The following ATG10 variants were observed in gnomAD, a reference collection of about 807,000 sequenced individuals.
ATG10 encodes autophagy related 10.
ATG10 carries 30 observed loss-of-function variants against 32.1 expected under a neutral mutation model. That is an observed-to-expected ratio of 0.94 (90% CI 0.70 to 1.27). ATG10 has a LOEUF of 1.27. ATG10 is among the 50% of genes most tolerant of loss of function. The pLI is 0.00. For missense variants in ATG10, 233 were observed against 262.3 expected (o/e 0.89, Z 0.77); for synonymous variants, 87 against 91.5 (o/e 0.95, Z 0.28).
At chr5:82,189,849 T>G (rs576331321) in intron 5 of ATG10, among the ~76,000 whole-genome samples, 1 of 152,314 alleles carries the variant, frequency 6.6e-6, no homozygotes, top group African/African-American at 2.4e-5. Flanking sequence ...GGTCTTGAAC[T>G]CCTGACCTCA....
intron 3 of ATG10, among the ~76,000 whole-genome samples, chr5:82,117,490 T>C (rs997168261): frequency 1.3e-5 from 2 of 152,142 alleles, no homozygotes; most frequent in African/African-American, 4.8e-5. Flanking sequence ...TTGATCTTTG[T>C]CTTGTCTGGT....
intron 3 of ATG10, among the ~76,000 whole-genome samples, chr5:82,118,384 G>GTATATATATATATATATATATATATA (rs1347264600): frequency 6.4e-4 from 12 of 18,746 alleles, no homozygotes; most frequent in African/African-American, 1.9e-3. Context: ...TATAATATAT[G>GTATATATATATATATATATATATATA]TACATATATA....
intron 3 of ATG10, among the ~76,000 whole-genome samples, chr5:82,063,370 TTTATC>T (rs1436668650): frequency 4.6e-5 from 7 of 152,176 alleles, no homozygotes; most frequent in Non-Finnish European, 1.0e-4. Context: ...GAATTAATGT[TTTATC>T]TTAATAGATA....
chr5:82,073,337 G>C (rs1333579383), intron 3 of ATG10: 1 of 152,130 alleles, frequency 6.6e-6, no homozygotes, highest in Non-Finnish European at 1.5e-5. Flanking sequence ...TGGCTCATGA[G>C]TCACATTTTG....
At chr5:82,123,962 G>A (rs1766148345) in intron 3 of ATG10, among the ~76,000 whole-genome samples, 1 of 151,690 alleles carries the variant, frequency 6.6e-6, no homozygotes. Context: ...AGTAGTTGGA[G>A]ATGGAGCCTG....
chr5:82,149,900 G>C (rs1046620631), intron 3 of ATG10, among the ~76,000 whole-genome samples: 5 of 152,060 alleles, frequency 3.3e-5, no homozygotes, highest in African/African-American at 1.2e-4. Context: ...TGGGTATAAG[G>C]CTGAGTCTGA....
intron 2 of ATG10, among the ~76,000 whole-genome samples, chr5:82,049,490 T>C (rs1294838149): frequency 2.0e-5 from 3 of 151,682 alleles, no homozygotes; most frequent in Non-Finnish European, 4.4e-5. Context: ...GCATGGCACA[T>C]GTATGCATAT....
Position 82,247,288 on chromosome 5 carries a change from AT to A in ATG10, c.454-5273del, listed in dbSNP as rs560672120. 1.1e-3 allele frequency among the ~76,000 whole-genome samples: 174 copies of A among 152,106 alleles called. 2 individuals carry two copies. Among genetic ancestry groups the A allele is most frequent in the Admixed American group, 2.3e-3 (35 of 15,284 alleles). On this transcript the variant is annotated intron_variant, in intron 5 of 7. Coordinates refer to ENST00000282185, the MANE Select transcript of ATG10 (RefSeq NM_031482.5). ...GATTATCTGTATTCTGGTACAGTTG[AT>A]GTTATCCCACAGATGTCTAAGGCTC...
chr5:82,023,301 T>A (rs561413740), intron 2 of ATG10, among the ~76,000 whole-genome samples: 59 of 152,292 alleles, frequency 3.9e-4, no homozygotes, highest in African/African-American at 1.4e-3. Context: ...TTGTATTTTT[T>A]AAAAACACAT....
At position 82,220,636 on chromosome 5, in the gene ATG10, T is replaced by TC. The variant is rs554783993; in HGVS notation, c.454-31926_454-31925insC. On this transcript the variant is annotated intron_variant, in intron 5 of 7. Transcript: ENST00000282185. ...TGTACTCCATCTCTCTCTCTCTCTC[T>TC]TTTTTTTTTTTAAGATGGAGTCTTG... 4.7e-3 allele frequency among the ~76,000 whole-genome samples: 660 copies of TC among 141,590 alleles called. 2 individuals are homozygous for TC. Among genetic ancestry groups the TC allele is most frequent in the Non-Finnish European group, 6.5e-3 (421 of 64,538 alleles). The allele number at this position is 141,590 out of a possible 152,430, so 92.9% of individuals were successfully genotyped here. A position where few individuals can be genotyped will look rare whatever the true frequency, so the allele number is the denominator to read the frequency against.
At chr5:82,099,867 G>A (rs973810716) in intron 3 of ATG10, among the ~76,000 whole-genome samples, 3 of 151,870 alleles carry the variant, frequency 2.0e-5, no homozygotes, top group African/African-American at 7.3e-5. Context: ...ATGCAAATGG[G>A]GTGGTTATGG....
chr5:82,092,563 A>G (rs1425899257), intron 3 of ATG10, among the ~76,000 whole-genome samples: 1 of 152,116 alleles, frequency 6.6e-6, no homozygotes, highest in East Asian at 1.9e-4. Context: ...GCCAGAGGTA[A>G]AGGGACTAAG....
intron 5 of ATG10, among the ~76,000 whole-genome samples, chr5:82,237,550 A>G (rs756093746): frequency 1.5e-4 from 23 of 151,966 alleles, no homozygotes; most frequent in Non-Finnish European, 2.6e-4. Context: ...AGGCTGAGGC[A>G]GGAGAATTGC....
intron 4 of ATG10, among the ~76,000 whole-genome samples, chr5:82,174,257 A>G (rs1747155877): frequency 6.6e-6 from 1 of 152,214 alleles, no homozygotes; most frequent in African/African-American, 2.4e-5. Context: ...GGGAACAGAA[A>G]CCACATCATA....
intron 3 of ATG10, among the ~76,000 whole-genome samples, chr5:82,155,810 A>G (rs1029770147): frequency 6.6e-6 from 1 of 152,214 alleles, no homozygotes; most frequent in Admixed American, 6.5e-5. Context: ...AGACTGCCTT[A>G]TAAGGCAAGT....
intron 2 of ATG10, among the ~76,000 whole-genome samples, chr5:82,032,977 A>G (rs1033951016): frequency 7.9e-5 from 12 of 152,104 alleles, no homozygotes; most frequent in Non-Finnish European, 1.5e-4. Flanking sequence ...TTTTCTAACC[A>G]TACTATCCTG....
chr5:81,975,064 T>C (rs1760829231), intron 1 of ATG10, among the ~76,000 whole-genome samples: 1 of 152,170 alleles, frequency 6.6e-6, no homozygotes, highest in Admixed American at 6.6e-5. Context: ...CAAGTTACCC[T>C]CTCTGTCTCA....
At chr5:82,202,677 C>T (rs1745115361) in intron 5 of ATG10, among the ~76,000 whole-genome samples, 1 of 152,162 alleles carries the variant, frequency 6.6e-6, no homozygotes, top group Admixed American at 6.5e-5. Context: ...TTTTAGCTTC[C>T]AGATCTGCTG....
At chr5:82,234,116 T>A (rs1746466881) in intron 5 of ATG10, among the ~76,000 whole-genome samples, 1 of 152,156 alleles carries the variant, frequency 6.6e-6, no homozygotes, top group Admixed American at 6.5e-5. Context: ...CCCATCTCAG[T>A]GCCAACATTC....
Sources: allele counts gnomAD v4.1 joint callset (sites outside exome capture counted in the v4.1 genomes callset), GRCh38; gene constraint gnomAD v4.1.1; transcripts MANE v1.5; gene names NCBI Gene and HGNC (gene_info 2026-07-23, HGNC 2026-07-21).